Variants in PPP1R3B observed in about 807,000 individuals in gnomAD.
The protein encoded by PPP1R3B is protein phosphatase 1 regulatory subunit 3B, also known as PP1 subunit R4.
In PPP1R3B, 8 loss-of-function variants were observed where a neutral mutation model predicts 14.6. The observed-to-expected ratio is 0.55, with a 90% CI of 0.32 to 0.99. The LOEUF (loss-of-function observed/expected upper bound fraction) is 0.99, where lower values mean the gene tolerates loss of function less well. Ranked by LOEUF, PPP1R3B falls within the 50% of genes least tolerant of loss-of-function variation. PPP1R3B has a pLI of 0.04. For synonymous variants in PPP1R3B, 169 were observed against 142.0 expected, an observed-to-expected ratio of 1.19 and a Z score of -1.35; for missense variants, 452 against 360.1, an observed-to-expected ratio of 1.26 and a Z score of -2.07.
intron 1 of PPP1R3B, among the ~76,000 whole-genome samples, chr8:9,144,998 G>C (rs975423157): frequency 6.6e-6 from 1 of 151,984 alleles, no homozygotes; most frequent in South Asian, 2.1e-4. Flanking sequence ...CACCCGCCTC[G>C]GCCTCCCAAA....
chr8:9,138,911 A>C lies in PPP1R3B; in HGVS notation c.*1883T>G, dbSNP rs1193917237. ...TCACAGGTTTGGGGCCTATCTGATA[A>C]TGACTGTCCCGGAAGTCTCTCTTTT... On this transcript the variant is annotated 3_prime_UTR_variant, in exon 2 of 2. Coordinates refer to ENST00000310455, the MANE Select transcript of PPP1R3B (RefSeq NM_024607.4). The C allele has an allele frequency of 6.6e-6, 1 of 152,190 alleles. No homozygotes were observed. The highest frequency in any genetic ancestry group is 2.4e-5 in the African/African-American group (1 of 41,432). The allele number at this position is 152,190 out of a possible 1,614,324, so 9.4% of individuals were successfully genotyped here.
At position 9,141,492 on chromosome 8, in the gene PPP1R3B, C is replaced by T. The variant is rs766535627; in HGVS notation, c.160G>A (p.Val54Ile). 21 of 1,614,062 alleles carry T rather than the reference C, an allele frequency of 1.3e-5. No individual in the cohort carries two copies. Among genetic ancestry groups the T allele is most frequent in the Non-Finnish European group, 1.8e-5 (21 of 1,180,042 alleles). ...NEASGMVAPA[V>I]QEKKVKKRVS... ...CGCTTTTTCACCTTCTTCTCCTGGA[C>T]AGCCGGGGCCACCATTCCACTGGCT... Residue 54 changes from valine (V) to isoleucine (I), a missense_variant, in exon 2 of 2, where the codon GTC (valine) becomes ATC (isoleucine). Physicochemically the swap from Val to Ile is conservative, Grantham distance 29 (BLOSUM62 3). Coordinates refer to ENST00000310455, the MANE Select transcript of PPP1R3B (RefSeq NM_024607.4).
At chr8:9,145,868 G>A (rs1423228191) in intron 1 of PPP1R3B, among the ~76,000 whole-genome samples, 1 of 140,916 alleles carries the variant, frequency 7.1e-6, no homozygotes, top group Non-Finnish European at 1.6e-5. Context: ...CCTCACTAAA[G>A]CTGAGCACTT....
At chr8:9,147,409 T>G (rs1032081850) in intron 1 of PPP1R3B, among the ~76,000 whole-genome samples, 2 of 151,890 alleles carry the variant, frequency 1.3e-5, no homozygotes, top group Non-Finnish European at 2.9e-5. Context: ...GGAGGAAGGG[T>G]TCCTCTTCAC....
chr8:9,147,993 C>G (rs1801291368), intron 1 of PPP1R3B, among the ~76,000 whole-genome samples: 1 of 152,142 alleles, frequency 6.6e-6, no homozygotes, highest in African/African-American at 2.4e-5. Context: ...TGGCCTCAAT[C>G]TGGGGTATGA....
At position 9,137,512 on chromosome 8, in the gene PPP1R3B, T is replaced by C. The variant is rs186314375; in HGVS notation, c.*3282A>G. 3 of 152,262 alleles carry C rather than the reference T, an allele frequency of 2.0e-5. No homozygotes were observed. Among genetic ancestry groups the C allele is most frequent in the African/African-American group, 7.2e-5 (3 of 41,536 alleles). The allele number at this position is 152,262 out of a possible 1,614,324, so 9.4% of individuals were successfully genotyped here. On this transcript the variant is annotated 3_prime_UTR_variant, in exon 2 of 2. Transcript: ENST00000310455. ...GTAAGAAACCTGTCACCCTCTGAAG[T>C]GTGTAGGCTTATCTACTGATGATGA...
At position 9,139,768 on chromosome 8, in the gene PPP1R3B, C is replaced by G. The variant is rs571517406; in HGVS notation, c.*1026G>C. 1 of 152,268 alleles carries G rather than the reference C, an allele frequency of 6.6e-6. No homozygotes were observed. Among genetic ancestry groups the G allele is most frequent in the East Asian group, 1.9e-4 (1 of 5,170 alleles). 9.4% of individuals were successfully genotyped at this position (152,268 alleles called of 1,614,324 possible). On this transcript the variant is annotated 3_prime_UTR_variant, in exon 2 of 2. Coordinates refer to ENST00000310455, the MANE Select transcript of PPP1R3B (RefSeq NM_024607.4). ...GTTTCACCGTGTTAGCCAGGATGGT[C>G]TCGATCTCCTGACCTCGTGATCCAC... is the stretch of plus-strand genomic sequence containing the variant.
intron 1 of PPP1R3B, chr8:9,145,464 A>G (rs984544661): frequency 5.3e-5 from 8 of 152,236 alleles, no homozygotes; most frequent in East Asian, 1.9e-4. Context: ...TTACTTTACT[A>G]TAAGAATACG....
At chr8:9,145,204 G>A (rs918975449) in intron 1 of PPP1R3B, 1 of 152,020 alleles carries the variant, frequency 6.6e-6, no homozygotes, top group Non-Finnish European at 1.5e-5. Flanking sequence ...AGACTTGTGG[G>A]GAAAAATGCT....
chr8:9,150,076 C>T (rs147580216), intron 1 of PPP1R3B, among the ~76,000 whole-genome samples: 100 of 152,300 alleles, frequency 6.6e-4, no homozygotes, highest in Non-Finnish European at 1.4e-3. Flanking sequence ...CTCAACTGTA[C>T]TTTTGTGTAA....
intron 1 of PPP1R3B, among the ~76,000 whole-genome samples, chr8:9,143,144 T>C (rs1801139171): frequency 6.6e-6 from 1 of 152,226 alleles, no homozygotes; most frequent in South Asian, 2.1e-4. Context: ...AAGGGTTCCC[T>C]TTTCTCCACG....
chr8:9,140,460 G>T lies in PPP1R3B; in HGVS notation c.*334C>A. On this transcript the variant is annotated 3_prime_UTR_variant, in exon 2 of 2. Coordinates refer to ENST00000310455, the MANE Select transcript of PPP1R3B (RefSeq NM_024607.4). The stretch of plus-strand genomic sequence containing the variant: ...CTGATGTCCCACATCTGAGTGGAGA[G>T]CAGAGGAGAGACTCCTCCAGCTTCA... 3.1e-6 allele frequency: 1 copy of T among 321,048 alleles called. No individual in the cohort carries two copies. The highest frequency in any genetic ancestry group is 4.2e-5 in the South Asian group (1 of 23,770). The allele number at this position is 321,048 out of a possible 1,614,324, so 19.9% of individuals were successfully genotyped here.
At chr8:9,147,473 T>C (rs1445075319) in intron 1 of PPP1R3B, among the ~76,000 whole-genome samples, 2 of 152,042 alleles carry the variant, frequency 1.3e-5, no homozygotes, top group Non-Finnish European at 2.9e-5. Context: ...TCTTTGCACT[T>C]CCAAGAAGCC....
At position 9,141,175 on chromosome 8, in the gene PPP1R3B, G is replaced by T. The variant is rs141460324; in HGVS notation, c.477C>A (p.Thr159=). The T allele has an allele frequency of 5.9e-5, 95 of 1,613,996 alleles. 1 individual carries two copies. The highest frequency in any genetic ancestry group is 7.9e-5 in the Non-Finnish European group (93 of 1,180,052). The change falls in exon 2 of 2, where the codon ACC becomes ACA. Residue 159 remains threonine, a synonymous_variant. Transcript: ENST00000310455. The part of the protein sequence containing the change: ...VKVQNLAFEK[T]VKIRMTFDTW... ...TGTCGAACGTCATCCTTATTTTCAC[G>T]GTCTTCTCAAATGCGAGGTTCTGAA... is the stretch of plus-strand genomic sequence containing the variant.
rs139297324 is a variant in PPP1R3B, at chr8:9,142,565, T to C, written c.-17-897A>G. On this transcript the variant is annotated intron_variant, in intron 1 of 1. Transcript: ENST00000310455. The stretch of plus-strand genomic sequence containing the variant: ...CTCAGCAATTTTCAAATATATAACA[T>C]ATCATTACCAAGTATAGGCACCATA... 3.8e-4 allele frequency among the ~76,000 whole-genome samples: 58 copies of C among 152,298 alleles called. 1 individual carries two copies. The East Asian group carries it at 9.6e-3, about 25-fold the overall frequency.
chr8:9,143,835 GA>G (rs1801158989), intron 1 of PPP1R3B, among the ~76,000 whole-genome samples: 1 of 152,154 alleles, frequency 6.6e-6, no homozygotes, highest in Non-Finnish European at 1.5e-5. Flanking sequence ...CATGCTGAAA[GA>G]GGATAAATCT....
chr8:9,140,959 C>T lies in PPP1R3B; in HGVS notation c.693G>A (p.Arg231=). 6.2e-7 allele frequency: 1 copy of T among 1,614,146 alleles called. No individual in the cohort carries two copies. The highest frequency in any genetic ancestry group is 1.1e-5 in the South Asian group (1 of 91,082). Residue 231 remains arginine (R), a synonymous_variant, in exon 2 of 2, where the codon AGG becomes AGA. Transcript: ENST00000310455. Reference sequence around the variant, plus strand: ...TAGATTTTAACTCAGCCCGGATGATCCTATAGTTCTTGCCTCTGTTGCTGT... The same window carrying T: ...TAGATTTTAACTCAGCCCGGATGATTCTATAGTTCTTGCCTCTGTTGCTGT... ...YWDSNRGKNY[R]IIRAELKSTQ... is the part of the protein sequence containing the mutation.
intron 1 of PPP1R3B, among the ~76,000 whole-genome samples, chr8:9,142,093 C>T (rs1801108954): frequency 6.6e-6 from 1 of 152,124 alleles, no homozygotes; most frequent in Admixed American, 6.5e-5. Flanking sequence ...TCCTGAGGGA[C>T]ACTATTTATT....
intron 1 of PPP1R3B, among the ~76,000 whole-genome samples, chr8:9,148,616 C>T (rs1411145946): frequency 6.6e-6 from 1 of 152,210 alleles, no homozygotes; most frequent in African/African-American, 2.4e-5. Flanking sequence ...ATGGCTAAGA[C>T]AGGGCAAACC....
Sources: allele counts gnomAD v4.1 joint callset (sites outside exome capture counted in the v4.1 genomes callset), GRCh38; gene constraint gnomAD v4.1.1; transcripts MANE v1.5; gene names NCBI Gene and HGNC (gene_info 2026-07-23, HGNC 2026-07-21).